ELAPOR2: variants seen among roughly 807,000 people sequenced by gnomAD.
ELAPOR2 encodes the protein endosome-lysosome associated apoptosis and autophagy regulator family member 2.
ELAPOR2 carries 89 observed loss-of-function variants against 120.7 expected under a neutral mutation model. That is an observed-to-expected ratio of 0.74 (90% CI 0.62 to 0.88). ELAPOR2 has a LOEUF of 0.88. ELAPOR2 is among the 40% of genes least tolerant of loss of function. The pLI, the probability that ELAPOR2 is intolerant of heterozygous loss-of-function variation, is 0.00. For missense variants in ELAPOR2, 1,134 were observed against 1,251.6 expected (o/e 0.91, Z 1.42); for synonymous variants, 444 against 444.9 (o/e 1.00, Z 0.03).
chr7:86,927,134 C>T (rs1223728248), intron 8 of ELAPOR2, among the ~76,000 whole-genome samples: 5 of 151,816 alleles, frequency 3.3e-5, no homozygotes, highest in African/African-American at 1.2e-4. Flanking sequence ...TATAGGTGGC[C>T]TTCCCTCGTA....
chr7:86,926,749 T>C lies in ELAPOR2; in HGVS notation c.1257A>G (p.Ser419=), dbSNP rs1008561578. The change falls in exon 9 of 22, where the codon TCA becomes TCG. Residue 419 remains serine (S), a synonymous_variant. Coordinates refer to ENST00000450689, the MANE Select transcript of ELAPOR2 (RefSeq NM_001142749.3). The stretch of plus-strand genomic sequence containing the variant: ...TTGACATCCTACCTTTGGTTCCATC[T>C]GAAAATGTTCCAGGAGGACAGGGAT... ...SCHPCPPGTF[S]DGTKECRPCP... is the part of the protein sequence containing the mutation. 1.9e-6 allele frequency: 3 copies of C among 1,607,914 alleles called. No homozygotes were observed. The highest frequency in any genetic ancestry group is 1.1e-5 in the South Asian group (1 of 90,108).
At chr7:87,026,853 GCCTGTATCCCAATTAAAA>G (rs1410569580) in intron 1 of ELAPOR2, among the ~76,000 whole-genome samples, 2 of 151,780 alleles carry the variant, frequency 1.3e-5, no homozygotes, top group Admixed American at 1.3e-4. Context: ...CATCATAATG[GCCTGTATCCCAATTAAAA>G]CCTCATGCTG....
Position 86,897,610 on chromosome 7 carries a change from C to T in ELAPOR2, c.2581G>A (p.Asp861Asn). The T allele has an allele frequency of 6.2e-7, 1 of 1,613,356 alleles. No individual in the cohort carries two copies. Among genetic ancestry groups the T allele is most frequent in the South Asian group, 1.1e-5 (1 of 91,066 alleles). ...VPSKCPAGTC[D>N]GCTFYFLWES... ...CACAGGAAATAGAACGTACACCCAT[C>T]ACAGGTACCTGCTGGGCACTTGCTA... is the stretch of plus-strand genomic sequence containing the variant. Residue 861 changes from aspartate (D) to asparagine (N), a missense_variant, in exon 19 of 22, where the codon GAT becomes AAT. By Grantham distance (23) the Asp-to-Asn change is conservative. Around this residue, in one of 3 missense-constraint regions of ELAPOR2, gnomAD observed 831 missense variants for 867.6 expected, o/e 0.96. Transcript: ENST00000450689.
At chr7:86,961,008 TAA>T (rs925365941) in intron 2 of ELAPOR2, among the ~76,000 whole-genome samples, 1 of 152,148 alleles carries the variant, frequency 6.6e-6, no homozygotes, top group Non-Finnish European at 1.5e-5. Flanking sequence ...CATAAATATA[TAA>T]AAGTCATGTT....
intron 1 of ELAPOR2, among the ~76,000 whole-genome samples, chr7:87,039,877 G>T (rs1250059291): frequency 6.6e-6 from 1 of 152,154 alleles, no homozygotes; most frequent in Admixed American, 6.5e-5. Context: ...TCTCACTAGG[G>T]AGTGCCAGAC....
At chr7:86,969,300 C>A (rs1046417143) in intron 1 of ELAPOR2, among the ~76,000 whole-genome samples, 1 of 152,036 alleles carries the variant, frequency 6.6e-6, no homozygotes, top group Non-Finnish European at 1.5e-5. Flanking sequence ...CACTGAAATC[C>A]CCAGGGAATC....
chr7:86,895,473 A>G (rs918775916), intron 19 of ELAPOR2, among the ~76,000 whole-genome samples: 2 of 152,088 alleles, frequency 1.3e-5, no homozygotes, highest in Non-Finnish European at 2.9e-5. Context: ...ATATTTAACT[A>G]CTTCCAGTAT....
At chr7:86,929,913 T>A (rs564920739) in intron 8 of ELAPOR2, among the ~76,000 whole-genome samples, 1 of 152,014 alleles carries the variant, frequency 6.6e-6, no homozygotes, top group African/African-American at 2.4e-5. Flanking sequence ...CATGCCTGCT[T>A]CCCCTTTTAC....
At chr7:87,059,088 C>T (rs1795351657) in intron 1 of ELAPOR2, among the ~76,000 whole-genome samples, 1 of 151,786 alleles carries the variant, frequency 6.6e-6, no homozygotes, top group African/African-American at 2.4e-5. Context: ...CCTGCAGAGC[C>T]CCCAAAAGAC....
intron 8 of ELAPOR2, among the ~76,000 whole-genome samples, chr7:86,932,504 A>G (rs1003381818): frequency 6.6e-6 from 1 of 151,876 alleles, no homozygotes; most frequent in African/African-American, 2.4e-5. Flanking sequence ...GGGGGAGACA[A>G]ACACTGCACA....
At chr7:86,889,155 C>T (rs1799832063) in intron 21 of ELAPOR2, among the ~76,000 whole-genome samples, 1 of 152,226 alleles carries the variant, frequency 6.6e-6, no homozygotes, top group African/African-American at 2.4e-5. Flanking sequence ...AACATCAACT[C>T]ACTGTCCATA....
At chr7:87,057,261 C>T (rs902816370) in intron 1 of ELAPOR2, among the ~76,000 whole-genome samples, 2 of 152,186 alleles carry the variant, frequency 1.3e-5, no homozygotes, top group Admixed American at 6.5e-5. Context: ...AAATAACTTG[C>T]CCTCCCCACT....
At chr7:87,020,190 T>G (rs560022324) in intron 1 of ELAPOR2, among the ~76,000 whole-genome samples, 1 of 152,246 alleles carries the variant, frequency 6.6e-6, no homozygotes, top group African/African-American at 2.4e-5. Context: ...TGTATATGTG[T>G]GCATATTTTA....
At chr7:87,039,046 T>C (rs911763367) in intron 1 of ELAPOR2, among the ~76,000 whole-genome samples, 1 of 150,616 alleles carries the variant, frequency 6.6e-6, no homozygotes, top group East Asian at 1.9e-4. Flanking sequence ...AAAAAGAAGA[T>C]ACAAATAAAT....
intron 1 of ELAPOR2, among the ~76,000 whole-genome samples, chr7:86,975,823 A>C (rs1245893984): frequency 6.6e-6 from 1 of 152,232 alleles, no homozygotes; most frequent in African/African-American, 2.4e-5. Flanking sequence ...AAAACTTTCT[A>C]ACAGCTAATA....
chr7:87,007,870 C>T (rs901182392), intron 1 of ELAPOR2, among the ~76,000 whole-genome samples: 8 of 152,076 alleles, frequency 5.3e-5, no homozygotes, highest in African/African-American at 1.9e-4. Context: ...TGCATATTGA[C>T]ATAAATAAAT....
intron 21 of ELAPOR2, among the ~76,000 whole-genome samples, chr7:86,885,261 C>T (rs1475020464): frequency 6.6e-6 from 1 of 152,154 alleles, no homozygotes; most frequent in Non-Finnish European, 1.5e-5. Flanking sequence ...ATAAAACCTG[C>T]AGCCTCAGAG....
At chr7:87,048,223 A>G (rs1377121358) in intron 1 of ELAPOR2, among the ~76,000 whole-genome samples, 1 of 151,762 alleles carries the variant, frequency 6.6e-6, no homozygotes, top group Non-Finnish European at 1.5e-5. Flanking sequence ...CAGCCTGGCG[A>G]CAGAGTGAGA....
intron 2 of ELAPOR2, among the ~76,000 whole-genome samples, chr7:86,958,430 T>TA (rs1253023841): frequency 6.6e-6 from 1 of 152,236 alleles, no homozygotes; most frequent in African/African-American, 2.4e-5. Flanking sequence ...TATTATTGTA[T>TA]AATTATTATT....
Sources: gnomAD v4.1 joint callset for allele counts (sites outside exome capture counted in the v4.1 genomes callset) on GRCh38, gnomAD v4.1.1 for gene constraint, gnomAD v4.1.1 regional missense constraint, MANE v1.5 for transcripts, NCBI Gene and HGNC (gene_info 2026-07-23, HGNC 2026-07-21) for gene names.